Variants in SCHIP1 observed in about 807,000 individuals in gnomAD.
The protein encoded by SCHIP1 is schwannomin-interacting protein 1.
A neutral mutation model predicts 29.7 loss-of-function variants in SCHIP1; 8 were observed. That is an observed-to-expected ratio of 0.27 (90% confidence interval 0.16 to 0.49). The LOEUF is 0.49. SCHIP1 is among the 20% of genes least tolerant of loss of function. The pLI, the probability that SCHIP1 is intolerant of heterozygous loss-of-function variation, is 0.99. For synonymous variants in SCHIP1, 76 were observed against 94.9 expected, an observed-to-expected ratio of 0.80 and a Z score of 1.16; for missense variants, 193 against 294.6, an observed-to-expected ratio of 0.66 and a Z score of 2.52.
At chr3:159,764,757 C>T in the SCHIP1 span, 1 of 1,571,798 alleles carries the variant, frequency 6.4e-7, no homozygotes, top group Non-Finnish European at 8.6e-7. This position sits in a 1 kb window ranked among gnomAD's most constrained non-coding sequence, Gnocchi z 6.1. Flanking sequence ...GGGACGTAAG[C>T]GCCAGGACCC....
At chr3:159,764,644 A>G in the SCHIP1 span, 4 of 1,604,648 alleles carry the variant, frequency 2.5e-6, no homozygotes, top group Non-Finnish European at 3.4e-6. The surrounding 1 kb of genome is among the most constrained non-coding windows in gnomAD (Gnocchi z 6.1). Context: ...GAAGAAGGTG[A>G]TTGATGAGTG....
chr3:159,796,850 AG>A, the SCHIP1 span, among the ~76,000 whole-genome samples: 1 of 152,222 alleles, frequency 6.6e-6, no homozygotes, highest in Admixed American at 6.5e-5. Flanking sequence ...TATGACAGGA[AG>A]GGAAATGACT....
the SCHIP1 span, among the ~76,000 whole-genome samples, chr3:159,299,829 G>A: frequency 1.3e-5 from 2 of 152,162 alleles, no homozygotes; most frequent in South Asian, 2.1e-4. Context: ...AGGGAGTGAG[G>A]TCCCACACAC....
At chr3:159,405,367 T>G in the SCHIP1 span, among the ~76,000 whole-genome samples, 2 of 152,212 alleles carry the variant, frequency 1.3e-5, no homozygotes, top group South Asian at 4.1e-4. Context: ...TCAAAATAGT[T>G]GTTTTGAGGA....
chr3:159,295,228 C>T, the SCHIP1 span, among the ~76,000 whole-genome samples: 1 of 124,692 alleles, frequency 8.0e-6, no homozygotes, highest in Middle Eastern at 5.6e-3. Flanking sequence ...CCAGCCTGGC[C>T]AATATGGTGA....
chr3:159,303,537 G>GAGGA, the SCHIP1 span, among the ~76,000 whole-genome samples: 2 of 151,386 alleles, frequency 1.3e-5, no homozygotes. Flanking sequence ...GGAGGGAAGG[G>GAGGA]AGGAAGGAAG....
At chr3:159,818,493 G>C in the SCHIP1 span, among the ~76,000 whole-genome samples, 1 of 152,222 alleles carries the variant, frequency 6.6e-6, no homozygotes, top group Non-Finnish European at 1.5e-5. Flanking sequence ...GGGCAGTGTG[G>C]AGCCGTGGTA....
chr3:159,679,513 CT>C, the SCHIP1 span, among the ~76,000 whole-genome samples: 1 of 152,176 alleles, frequency 6.6e-6, no homozygotes, highest in African/African-American at 2.4e-5. Context: ...TTTAGCTAAT[CT>C]TTTTGTAGAC....
chr3:159,582,887 G>C, the SCHIP1 span, among the ~76,000 whole-genome samples: 1 of 151,638 alleles, frequency 6.6e-6, no homozygotes, highest in African/African-American at 2.4e-5. Context: ...ATGCAAATTA[G>C]TGTTAATTAA....
intron 2 of SCHIP1, among the ~76,000 whole-genome samples, chr3:159,884,444 C>G (rs1168871083): frequency 2.0e-5 from 3 of 151,364 alleles, no homozygotes; most frequent in African/African-American, 7.3e-5. Flanking sequence ...CAAATCCCAG[C>G]TCAGTAGAAG....
the SCHIP1 span, among the ~76,000 whole-genome samples, chr3:159,676,279 G>C: frequency 6.6e-6 from 1 of 152,138 alleles, no homozygotes; most frequent in African/African-American, 2.4e-5. Context: ...CTACATCAAA[G>C]TTCAAGAGCA....
chr3:159,721,951 C>T, the SCHIP1 span: 1 of 398,938 alleles, frequency 2.5e-6, no homozygotes, highest in Non-Finnish European at 4.9e-6. Context: ...TAAAGGCAGT[C>T]CTCTGTGTTC....
the SCHIP1 span, among the ~76,000 whole-genome samples, chr3:159,497,491 A>G: frequency 6.6e-6 from 1 of 152,028 alleles, no homozygotes; most frequent in Non-Finnish European, 1.5e-5. Context: ...ATGTATTATT[A>G]TCACATTACA....
At chr3:159,795,245 CT>C in the SCHIP1 span, among the ~76,000 whole-genome samples, 4 of 152,240 alleles carry the variant, frequency 2.6e-5, no homozygotes. Context: ...CGCAACTAAC[CT>C]TCCCTAGCCA....
the SCHIP1 span, among the ~76,000 whole-genome samples, chr3:159,346,475 T>C: frequency 5.3e-5 from 8 of 152,100 alleles, no homozygotes; most frequent in Non-Finnish European, 1.0e-4. Context: ...GTCAGTCATA[T>C]AATTGATATA....
chr3:159,626,149 T>TATATAGATAG, the SCHIP1 span, among the ~76,000 whole-genome samples: 8 of 107,902 alleles, frequency 7.4e-5, no homozygotes, highest in Admixed American at 5.3e-4. Context: ...TATATCTAGA[T>TATATAGATAG]ATATATATAT....
chr3:159,462,797 T>G, the SCHIP1 span, among the ~76,000 whole-genome samples: 1 of 152,184 alleles, frequency 6.6e-6, no homozygotes, highest in Non-Finnish European at 1.5e-5. Context: ...CATTTCCATC[T>G]ATTAAAATTC....
At chr3:159,480,631 C>T in the SCHIP1 span, among the ~76,000 whole-genome samples, 37 of 152,288 alleles carry the variant, frequency 2.4e-4, no homozygotes, top group Admixed American at 2.6e-4. Context: ...ACATCTCTCT[C>T]GTTTAACAGA....
the SCHIP1 span, among the ~76,000 whole-genome samples, chr3:159,824,307 A>G: frequency 6.6e-6 from 1 of 152,172 alleles, no homozygotes; most frequent in Non-Finnish European, 1.5e-5. Context: ...TGTTAATTTT[A>G]CAGCAGACAT....
Sources: allele counts gnomAD v4.1 joint callset (sites outside exome capture counted in the v4.1 genomes callset), GRCh38; gene constraint gnomAD v4.1.1; non-coding constraint Gnocchi (gnomAD v3.1); transcripts MANE v1.5; gene names NCBI Gene and HGNC (gene_info 2026-07-23, HGNC 2026-07-21).